Variants in ESRRG observed in about 807,000 individuals in gnomAD.
The protein encoded by ESRRG is estrogen related receptor gamma, also known as estrogen-related receptor gamma.
In ESRRG, 13 loss-of-function variants were observed where a neutral mutation model predicts 44.0. The ratio of observed to expected loss-of-function variants is 0.30; its 90% CI spans 0.19 to 0.47. ESRRG has a LOEUF of 0.47. Among genes scored for constraint, ESRRG ranks in the 20% least tolerant of loss-of-function variants. The probability of loss-of-function intolerance (pLI) is 1.00; values close to 1 mark genes in which losing one functional copy is unlikely to be tolerated. For synonymous variants in ESRRG, 215 were observed against 214.6 expected (o/e 1.00, Z -0.02); for missense variants, 395 against 580.6 (o/e 0.68, Z 3.29).
At chr1:216,516,664 C>CAGAGAG (rs71161435) in intron 6 of ESRRG, among the ~76,000 whole-genome samples, 3 of 106,998 alleles carry the variant, frequency 2.8e-5, no homozygotes, top group African/African-American at 1.1e-4. Context: ...CACACACACA[C>CAGAGAG]ACACAGAGAG....
rs150304080 is a variant in ESRRG, at chr1:216,527,909, T to A, written c.863-8488A>T. On this transcript the variant is annotated intron_variant, in intron 5 of 6. Coordinates refer to ENST00000408911, the MANE Select transcript of ESRRG (RefSeq NM_001438.4). The stretch of plus-strand genomic sequence containing the variant: ...CTGCTGCTTGATAGATGTATCTGTA[T>A]CCTCTGGACAGTGGTTTGCTGTGTT... Among the ~76,000 whole-genome samples the A allele has an allele frequency of 1.6e-4, 25 of 152,230 alleles. No homozygotes were observed. The East Asian group carries it at 3.3e-3, about 20-fold the overall frequency.
chr1:216,906,887 A>C (rs1037280832), intron 2 of ESRRG, among the ~76,000 whole-genome samples: 19 of 152,364 alleles, frequency 1.2e-4, no homozygotes, highest in African/African-American at 4.3e-4. Flanking sequence ...GAAATGAGAT[A>C]AAGTGCTAAG....
upstream of ESRRG, among the ~76,000 whole-genome samples, chr1:216,724,041 A>G (rs1403466772): frequency 6.6e-6 from 1 of 152,118 alleles, no homozygotes; most frequent in African/African-American, 2.4e-5. Context: ...AATAATAATA[A>G]TAAAGGCATT....
Position 217,001,714 on chromosome 1 carries a change from T to C in ESRRG, c.-105-62041A>G, listed in dbSNP as rs1579311520. 2.7e-5 allele frequency among the ~76,000 whole-genome samples: 4 copies of C among 150,078 alleles called. No homozygotes were observed. In the South Asian group the frequency reaches 8.5e-4, roughly 32 times the overall value. ...GGCAGAGACAATGAGAGGAGAGGAGTTAGAGTGGAGGTCAGGGAGGAGGTA... is the reference window on the plus strand; with the variant it reads ...GGCAGAGACAATGAGAGGAGAGGAGCTAGAGTGGAGGTCAGGGAGGAGGTA... On this transcript the variant is annotated intron_variant, in intron 1 of 7. Transcript: ENST00000359162.
At chr1:216,554,376 C>G (rs1314056735) in intron 5 of ESRRG, among the ~76,000 whole-genome samples, 1 of 151,908 alleles carries the variant, frequency 6.6e-6, no homozygotes, top group African/African-American at 2.4e-5. Flanking sequence ...ATCCTTTGAA[C>G]CCAGGAGGTG....
chr1:216,878,576 G>A (rs1401834729), intron 2 of ESRRG, among the ~76,000 whole-genome samples: 1 of 151,978 alleles, frequency 6.6e-6, no homozygotes, highest in Non-Finnish European at 1.5e-5. Flanking sequence ...AGATTGTCTT[G>A]GTAAGAGGCA....
chr1:216,672,107 A>G (rs2075306445), intron 2 of ESRRG, among the ~76,000 whole-genome samples: 1 of 151,712 alleles, frequency 6.6e-6, no homozygotes, highest in Non-Finnish European at 1.5e-5. Context: ...TAAGGCCAAA[A>G]TTGGAATTGG....
chr1:216,843,061 T>G (rs2095678022), intron 2 of ESRRG, among the ~76,000 whole-genome samples: 1 of 152,114 alleles, frequency 6.6e-6, no homozygotes. Context: ...TCCAAATTCA[T>G]GATGATCAGG....
chr1:216,529,259 C>T (rs539559590), intron 5 of ESRRG, among the ~76,000 whole-genome samples: 142 of 152,172 alleles, frequency 9.3e-4, no homozygotes, highest in African/African-American at 3.3e-3. Flanking sequence ...GAACCAAAAA[C>T]ATTTTTTAAT....
At chr1:216,907,951 G>A (rs777618262) in intron 2 of ESRRG, among the ~76,000 whole-genome samples, 2 of 152,034 alleles carry the variant, frequency 1.3e-5, no homozygotes, top group Admixed American at 1.3e-4. Context: ...TCTTTTTTAT[G>A]TCTATTTTTA....
At position 216,506,819 on chromosome 1, in the gene ESRRG, A is replaced by G. The variant is rs1159436795; in HGVS notation, c.*120T>C. On this transcript the variant is annotated 3_prime_UTR_variant, in exon 7 of 7. Transcript: ENST00000408911. ...TGCTTCATAGTCTTGCTGCTAAATT[A>G]TCAGTGCAGTCTGTTGATTTTTGAT... The G allele has an allele frequency of 1.1e-5, 12 of 1,103,002 alleles. No individual in the cohort carries two copies. The highest frequency in any genetic ancestry group is 3.2e-5 in the South Asian group (2 of 63,176). 68.3% of individuals were successfully genotyped at this position (1,103,002 alleles called of 1,614,324 possible). A position where few individuals can be genotyped will look rare whatever the true frequency, so the allele number is the denominator to read the frequency against.
chr1:216,700,538 A>T (rs1199722410), intron 1 of ESRRG, among the ~76,000 whole-genome samples: 1 of 152,252 alleles, frequency 6.6e-6, no homozygotes, highest in South Asian at 2.1e-4. Flanking sequence ...TCTTAAACAT[A>T]TAAGCTGGAC....
upstream of ESRRG, among the ~76,000 whole-genome samples, chr1:217,089,961 C>T (rs527837487): frequency 6.6e-6 from 1 of 152,184 alleles, no homozygotes; most frequent in African/African-American, 2.4e-5. Context: ...AGGTTCTCCT[C>T]GGGTGGTTAC....
At chr1:217,122,686 T>C (rs1414156669) in intron 1 of ESRRG, among the ~76,000 whole-genome samples, 11 of 139,812 alleles carry the variant, frequency 7.9e-5, no homozygotes, top group Non-Finnish European at 1.4e-4. Flanking sequence ...TTTTTTTTTT[T>C]TGAGACAGAG....
chr1:216,913,389 G>A (rs1017533749), intron 2 of ESRRG, among the ~76,000 whole-genome samples: 1 of 151,790 alleles, frequency 6.6e-6, no homozygotes, highest in Non-Finnish European at 1.5e-5. Context: ...GGGGGTGGGG[G>A]TGGCTACTGG....
At chr1:216,747,152 A>G (rs2091491943) in intron 2 of ESRRG, among the ~76,000 whole-genome samples, 1 of 152,170 alleles carries the variant, frequency 6.6e-6, no homozygotes, top group Admixed American at 6.6e-5. Context: ...TTGTGAGATA[A>G]ATGATGTTAG....
At chr1:217,027,197 G>T (rs2081355363) in intron 1 of ESRRG, among the ~76,000 whole-genome samples, 1 of 152,038 alleles carries the variant, frequency 6.6e-6, no homozygotes, top group Non-Finnish European at 1.5e-5. Flanking sequence ...AATGTCTATA[G>T]TAATTCCAGA....
intron 2 of ESRRG, among the ~76,000 whole-genome samples, chr1:216,730,533 G>C (rs1559440499): frequency 6.6e-6 from 1 of 152,024 alleles, no homozygotes; most frequent in African/African-American, 2.4e-5. Flanking sequence ...TGTGAGCTGG[G>C]CTGGGCCTGA....
intron 3 of ESRRG, among the ~76,000 whole-genome samples, chr1:216,642,611 T>C (rs904279908): frequency 6.6e-6 from 1 of 152,022 alleles, no homozygotes; most frequent in Non-Finnish European, 1.5e-5. Context: ...CAACAGAGAG[T>C]GCAAGAAATA....
Sources: gnomAD v4.1 joint callset for allele counts (sites outside exome capture counted in the v4.1 genomes callset) on GRCh38, gnomAD v4.1.1 for gene constraint, MANE v1.5 for transcripts, NCBI Gene and HGNC (gene_info 2026-07-23, HGNC 2026-07-21) for gene names.